Variants in CD33 observed in about 807,000 individuals in gnomAD.
CD33 encodes CD33 molecule.
In CD33, 25 loss-of-function variants were observed where a neutral mutation model predicts 31.4. That is an observed-to-expected ratio of 0.80 (90% confidence interval 0.58 to 1.11). The LOEUF (loss-of-function observed/expected upper bound fraction) is 1.11. Ranked by LOEUF, CD33 falls within the 50% of genes most tolerant of loss-of-function variation. The pLI is 0.00. For synonymous variants in CD33, 176 were observed against 180.6 expected, an observed-to-expected ratio of 0.97 and a Z score of 0.20; for missense variants, 407 against 448.1, an observed-to-expected ratio of 0.91 and a Z score of 0.83.
chr19:51,236,639 A>C (rs1198859698), intron 6 of CD33: 3 of 152,058 alleles, frequency 2.0e-5, no homozygotes, highest in African/African-American at 7.3e-5. Flanking sequence ...TGGTTGACAC[A>C]CCCCTAAACA....
At chr19:51,238,966 G>GA (rs1981986393) in intron 6 of CD33, 1 of 152,372 alleles carries the variant, frequency 6.6e-6, no homozygotes, top group African/African-American at 2.4e-5. Flanking sequence ...GCTCCACAAG[G>GA]AAAAGCCTGG....
chr19:51,227,476 T>A lies in CD33; in HGVS notation c.745+1120T>A, dbSNP rs566675140. The stretch of plus-strand genomic sequence containing the variant: ...TGCATTTCCCTGGTGATTGGTGACG[T>A]TGAGCATTTTTCATATACACTTGTT... On this transcript the variant is annotated intron_variant, in intron 4 of 6. Coordinates refer to ENST00000262262, the MANE Select transcript of CD33 (RefSeq NM_001772.4). Among the ~76,000 whole-genome samples the A allele has an allele frequency of 2.6e-5, 4 of 152,342 alleles. No homozygotes were observed. In the South Asian group the frequency reaches 8.3e-4, roughly 32 times the overall value.
At chr19:51,228,062 ATTATTGGTGTATGT>A (rs141840055) in intron 4 of CD33, among the ~76,000 whole-genome samples, 1,562 of 152,250 alleles carry the variant, frequency 0.01, 25 homozygotes, top group African/African-American at 0.036. Flanking sequence ...TCTATTATGT[ATTATTGGTGTATGT>A]ATCTGCTTTT....
At chr19:51,225,734 T>C (rs1980958448) in intron 2 of CD33, 69 bp from the exon 3 acceptor site, 5 of 1,553,882 alleles carry the variant, frequency 3.2e-6, no homozygotes, top group Non-Finnish European at 4.4e-6. Context: ...TGACCAGAGG[T>C]TGATCTTCTC....
At chr19:51,213,784 C>A in the CD33 span, among the ~76,000 whole-genome samples, 1 of 152,106 alleles carries the variant, frequency 6.6e-6, no homozygotes, top group African/African-American at 2.4e-5. Flanking sequence ...AATCTGCCTG[C>A]CTCGGCCTCC....
upstream of CD33, among the ~76,000 whole-genome samples, chr19:51,222,042 G>A (rs965989707): frequency 6.6e-6 from 1 of 152,198 alleles, no homozygotes; most frequent in Non-Finnish European, 1.5e-5. Context: ...CAGGAGGAAG[G>A]AACGTTTGGT....
Position 51,228,305 on chromosome 19 carries a change from T to C in CD33, c.745+1949T>C, listed in dbSNP as rs144689735. ...TCCTCTAATTCTGTGAAGAATTACATTGATATTTTGATAGAGCCAGGTTTG... is the reference window on the plus strand; with the variant it reads ...TCCTCTAATTCTGTGAAGAATTACACTGATATTTTGATAGAGCCAGGTTTG... On this transcript the variant is annotated intron_variant, in intron 4 of 6. Transcript: ENST00000262262. Among the ~76,000 whole-genome samples the C allele has an allele frequency of 1.1e-3, 172 of 152,334 alleles. 2 individuals carry two copies. Among genetic ancestry groups the C allele is most frequent in the Middle Eastern group, 3.4e-3 (1 of 294 alleles).
chr19:51,213,465 A>G, the CD33 span, among the ~76,000 whole-genome samples: 1 of 151,842 alleles, frequency 6.6e-6, no homozygotes, highest in South Asian at 2.1e-4. Flanking sequence ...TTGGGTTGCA[A>G]TTTCTCCATA....
intron 4 of CD33, among the ~76,000 whole-genome samples, chr19:51,232,327 G>A (rs1039092594): frequency 6.6e-6 from 1 of 152,116 alleles, no homozygotes; most frequent in Admixed American, 6.5e-5. Flanking sequence ...TTACCTTGCT[G>A]TTTTTACAAT....
the CD33 span, among the ~76,000 whole-genome samples, chr19:51,214,711 T>C: frequency 6.6e-6 from 1 of 152,244 alleles, no homozygotes; most frequent in African/African-American, 2.4e-5. Context: ...GTAAGTGCTC[T>C]TTATATATGT....
chr19:51,235,027 A>G, intron 4 of CD33, 130 bp from the exon 5 acceptor site: 2 of 673,350 alleles, frequency 3.0e-6, no homozygotes. Flanking sequence ...GATGTCTATG[A>G]TGGGTGGGAA....
At chr19:51,234,019 T>C (rs957028145) in intron 4 of CD33, among the ~76,000 whole-genome samples, 3 of 152,128 alleles carry the variant, frequency 2.0e-5, no homozygotes, top group African/African-American at 7.3e-5. Context: ...CGGTGAGCCA[T>C]TTTGCTCCAA....
Position 51,225,795 on chromosome 19 carries a change from C to T in CD33, c.419-8C>T. Reference sequence around the variant, plus strand: ...CCTGATTCTGCATCCCCTCTTTCTCCTCACTAGACTTGACCCACAGGCCCA... The same window carrying T: ...CCTGATTCTGCATCCCCTCTTTCTCTTCACTAGACTTGACCCACAGGCCCA... On this transcript the variant is annotated splice_region_variant and splice_polypyrimidine_tract_variant and intron_variant, in intron 2 of 6. Coordinates refer to ENST00000262262, the MANE Select transcript of CD33 (RefSeq NM_001772.4). The T allele has an allele frequency of 6.2e-7, 1 of 1,611,066 alleles. No individual in the cohort carries two copies. The highest frequency in any genetic ancestry group is 8.5e-7 in the Non-Finnish European group (1 of 1,177,862).
the CD33 span, among the ~76,000 whole-genome samples, chr19:51,213,576 G>A: frequency 9.9e-5 from 15 of 151,828 alleles, no homozygotes; most frequent in South Asian, 2.1e-4. Flanking sequence ...TTGCTCTGTC[G>A]TCCAGGCTGG....
rs143526600 is a variant in CD33 at position 51,225,521 on chromosome 19, G to T, written c.341G>T (p.Gly114Val). The stretch of plus-strand genomic sequence containing the variant: ...GTAGACGCCAGGAGGAGGGATAATG[G>T]TTCATACTTCTTTCGGATGGAGAGA... ...SIVDARRRDNGSYFFRMERGS... is the reference protein window; with the variant it reads ...SIVDARRRDNVSYFFRMERGS... Residue 114 changes from glycine to valine, a missense_variant, in exon 2 of 7, where the codon GGT becomes GTT. Coordinates refer to ENST00000262262, the MANE Select transcript of CD33 (RefSeq NM_001772.4). The T allele has an allele frequency of 2.5e-4, 395 of 1,607,858 alleles. No individual in the cohort carries two copies. Among genetic ancestry groups the T allele is most frequent in the Non-Finnish European group, 3.1e-4 (361 of 1,176,890 alleles).
the CD33 span, among the ~76,000 whole-genome samples, chr19:51,216,343 C>T: frequency 6.6e-6 from 1 of 151,172 alleles, no homozygotes; most frequent in Non-Finnish European, 1.5e-5. Context: ...TACTGAACAC[C>T]TACTATGTGC....
rs1286649077 is a variant in CD33 at position 51,235,218 on chromosome 19, C to A, written c.807C>A (p.Ala269=). ...CCATTGGAGGAGCTGGTGTTACAGC[C>A]CTGCTCGCTCTTTGTCTCTGCCTCA... ...HGAIGGAGVT[A]LLALCLCLIF... Residue 269 remains alanine, a synonymous_variant, in exon 5 of 7, where the codon GCC becomes GCA. Coordinates refer to ENST00000262262, the MANE Select transcript of CD33 (RefSeq NM_001772.4). The A allele has an allele frequency of 6.2e-7, 1 of 1,613,964 alleles. No individual in the cohort carries two copies. The highest frequency in any genetic ancestry group is 8.5e-7 in the Non-Finnish European group (1 of 1,179,990).
At chr19:51,234,393 T>C (rs1190328292) in intron 4 of CD33, among the ~76,000 whole-genome samples, 2 of 152,196 alleles carry the variant, frequency 1.3e-5, no homozygotes, top group South Asian at 2.1e-4. Flanking sequence ...GAGTATCATA[T>C]AGAATAGTCA....
In CD33 at chr19:51,225,555, C is replaced by A; in HGVS notation, c.375C>A (p.Thr125=). The A allele has an allele frequency of 6.3e-7, 1 of 1,581,778 alleles. No individual in the cohort carries two copies. The highest frequency in any genetic ancestry group is 8.6e-7 in the Non-Finnish European group (1 of 1,164,074). Residue 125 remains threonine, a synonymous_variant, in exon 2 of 7, where the codon ACC becomes ACA. Transcript: ENST00000262262. ...SYFFRMERGS[T]KYSYKSPQLS... is the part of the protein sequence containing the mutation. ...TCTTTCGGATGGAGAGAGGAAGTAC[C>A]AAATACAGTTACAAATCTCCCCAGC...
Sources: gnomAD v4.1 joint callset for allele counts (sites outside exome capture counted in the v4.1 genomes callset) on GRCh38, gnomAD v4.1.1 for gene constraint, MANE v1.5 for transcripts, NCBI Gene and HGNC (gene_info 2026-07-23, HGNC 2026-07-21) for gene names.